Variants in APOBEC3B observed in about 807,000 individuals in gnomAD.
The protein encoded by APOBEC3B is apolipoprotein B mRNA editing enzyme catalytic subunit 3B, also known as DNA dC->dU-editing enzyme APOBEC-3B.
A neutral mutation model predicts 53.4 loss-of-function variants in APOBEC3B; 29 were observed. That is an observed-to-expected ratio of 0.54 (90% CI 0.40 to 0.74). The LOEUF (loss-of-function observed/expected upper bound fraction) is 0.74. APOBEC3B is among the 30% of genes least tolerant of loss of function. The pLI is 0.00. For missense variants in APOBEC3B, 347 were observed against 496.2 expected, an observed-to-expected ratio of 0.70 and a Z score of 2.86; for synonymous variants, 132 against 184.8, an observed-to-expected ratio of 0.71 and a Z score of 2.32.
Position 38,984,012 on chromosome 22 carries a change from A to G in APOBEC3B, c.18-63A>G. 2 of 1,535,696 alleles carry G rather than the reference A, an allele frequency of 1.3e-6. 1 individual carries two copies. Among genetic ancestry groups the G allele is most frequent in the Non-Finnish European group, 1.7e-6 (2 of 1,144,390 alleles). On this transcript the variant is annotated intron_variant, in intron 1 of 7. Transcript: ENST00000333467. ...ATCCTGGGAGCTGTGTTCAGTGGAC[A>G]TGAGCCCCGAGGACTCCCGGGAGGG...
Position 38,984,265 on chromosome 22 carries a change from T to C in APOBEC3B, c.174+34T>C, listed in dbSNP as rs750643825. The C allele has an allele frequency of 1.9e-5, 30 of 1,583,326 alleles. 1 individual carries two copies. Among genetic ancestry groups the C allele is most frequent in the Non-Finnish European group, 2.6e-5 (30 of 1,168,006 alleles). ...CAAACTTCAATCGAATCACAGGCAG[T>C]GTTGCAGGAATTAGAGGACTGGAGA... On this transcript the variant is annotated intron_variant, in intron 2 of 7. Coordinates refer to ENST00000333467, the MANE Select transcript of APOBEC3B (RefSeq NM_004900.5).
intron 2 of APOBEC3B, 118 bp from the exon 3 acceptor site, chr22:38,985,694 G>A (rs1923704188): frequency 1.2e-6 from 1 of 866,170 alleles, no homozygotes; most frequent in Non-Finnish European, 1.7e-6. Flanking sequence ...TGGAGGAAAG[G>A]AGCTTCAATG....
chr22:38,982,602 C>G, intron 1 of APOBEC3B, 132 bp downstream of exon 1: 1 of 1,107,236 alleles, frequency 9.0e-7, no homozygotes, highest in Non-Finnish European at 1.3e-6. Flanking sequence ...TCCCCTGCCA[C>G]ACGAATCCCA....
Position 38,988,651 on chromosome 22 carries a change from T to G in APOBEC3B, c.570-806T>G, listed in dbSNP as rs963576831. Among the ~76,000 whole-genome samples, 6 of 107,302 alleles carry G rather than the reference T, an allele frequency of 5.6e-5. 1 individual carries two copies. The highest frequency in any genetic ancestry group is 2.2e-4 in the African/African-American group (6 of 27,454). 70.4% of individuals were successfully genotyped at this position (107,302 alleles called of 152,430 possible). On this transcript the variant is annotated intron_variant, in intron 4 of 7. Coordinates refer to ENST00000333467, the MANE Select transcript of APOBEC3B (RefSeq NM_004900.5). Reference sequence around the variant, plus strand: ...TTCCTTCCTCCCTTCCTTCCTTCCTTCCTTCCTTGCTTCCTCTCTCTTTCT... The same window carrying G: ...TTCCTTCCTCCCTTCCTTCCTTCCTGCCTTCCTTGCTTCCTCTCTCTTTCT...
At chr22:38,982,565 C>A in intron 1 of APOBEC3B, 95 bp downstream of exon 1, 1 of 1,472,152 alleles carries the variant, frequency 6.8e-7, no homozygotes, top group East Asian at 2.6e-5. Context: ...CGCCCCTGCC[C>A]CAGCCCTGGG....
chr22:38,985,402 C>CA (rs2146288666), intron 2 of APOBEC3B, among the ~76,000 whole-genome samples: 1 of 148,302 alleles, frequency 6.7e-6, no homozygotes, highest in Non-Finnish European at 1.5e-5. Flanking sequence ...GGGGATGCTC[C>CA]AGACAGAGTG....
chr22:38,986,948 G>T lies in APOBEC3B; in HGVS notation c.569+536G>T, dbSNP rs531785864. On this transcript the variant is annotated intron_variant, in intron 4 of 7. Transcript: ENST00000333467. ...TGCTGGGTGGCTGGGGACGGGGGGG[G>T]TCCCTGGGATGATTCCTGAGGGCAG... 7.6e-5 allele frequency among the ~76,000 whole-genome samples: 11 copies of T among 145,358 alleles called. 3 individuals are homozygous for T. In the East Asian group the frequency reaches 2.6e-3, roughly 35 times the overall value.
chr22:38,985,871 C>T lies in APOBEC3B; in HGVS notation c.234C>T (p.Asn78=). ...EMCFLSWFCG[N]QLPAYKCFQI... ...GCTTCCTCTCTTGGTTCTGTGGCAACCAGCTGCCTGCTTACAAGTGTTTCC... is the reference window on the plus strand; with the variant it reads ...GCTTCCTCTCTTGGTTCTGTGGCAATCAGCTGCCTGCTTACAAGTGTTTCC... The change falls in exon 3 of 8, where the codon AAC becomes AAT. Residue 78 remains asparagine (N), a synonymous_variant. Transcript: ENST00000333467. 1 of 1,595,168 alleles carries T rather than the reference C, an allele frequency of 6.3e-7. No homozygotes were observed. The highest frequency in any genetic ancestry group is 8.5e-7 in the Non-Finnish European group (1 of 1,172,984).
intron 7 of APOBEC3B, 100 bp from the exon 8 acceptor site, chr22:38,992,331 T>C: frequency 6.5e-7 from 1 of 1,539,450 alleles, no homozygotes; most frequent in Non-Finnish European, 8.8e-7. Context: ...CCCGCATCCC[T>C]CCCTCCTCTC....
At chr22:38,984,738 G>C (rs2146288141) in intron 2 of APOBEC3B, among the ~76,000 whole-genome samples, 1 of 148,188 alleles carries the variant, frequency 6.7e-6, no homozygotes, top group South Asian at 2.2e-4. Context: ...GAGTGAGCTG[G>C]CTAGGCAGAG....
rs549684476 is a variant in APOBEC3B, at chr22:38,989,100, C to A, written c.570-357C>A. On this transcript the variant is annotated intron_variant, in intron 4 of 7. Transcript: ENST00000333467. ...CCAGCAGGTCCATCTCCAGCAGGGG[C>A]TGTGGGTGAGCAGAGCCAGGACAGG... Among the ~76,000 whole-genome samples, 56 of 148,328 alleles carry A rather than the reference C, an allele frequency of 3.8e-4. 1 individual carries two copies. The highest frequency in any genetic ancestry group is 1.3e-3 in the African/African-American group (52 of 40,916).
intron 1 of APOBEC3B, 92 bp downstream of exon 1, chr22:38,982,562 G>A (rs1312409846): frequency 7.0e-7 from 1 of 1,437,478 alleles, no homozygotes; most frequent in Middle Eastern, 2.3e-4. Context: ...CCCCGCCCCT[G>A]CCCCAGCCCT....
At chr22:38,988,681 T>TTCTCTCTTTCTCTTTC (rs58110435) in intron 4 of APOBEC3B, among the ~76,000 whole-genome samples, 1 of 63,600 alleles carries the variant, frequency 1.6e-5, no homozygotes, top group Non-Finnish European at 3.0e-5. Context: ...CTTTCTCTCT[T>TTCTCTCTTTCTCTTTC]TCTCTTTCTT....
Position 38,986,227 on chromosome 22 carries a change from A to G in APOBEC3B, c.455-71A>G, listed in dbSNP as rs1255927782. The G allele has an allele frequency of 1.7e-5, 27 of 1,587,384 alleles. 2 individuals are homozygous for G. Among genetic ancestry groups the G allele is most frequent in the Non-Finnish European group, 2.1e-5 (25 of 1,169,560 alleles). ...CTGGCACTGACTGCAACTGACAGCC[A>G]GGAGACCAGGCCTGGGAGGACAGGC... On this transcript the variant is annotated intron_variant, in intron 3 of 7. Transcript: ENST00000333467.
Position 38,987,467 on chromosome 22 carries a change from G to T in APOBEC3B, c.569+1055G>T, listed in dbSNP as rs753565711. ...GGGCTGGTGCTCCCTGCCCTGGGAG[G>T]GTGCTCCCTGTATATGCTTCCCACC... On this transcript the variant is annotated intron_variant, in intron 4 of 7. Transcript: ENST00000333467. Among the ~76,000 whole-genome samples, 2 of 148,638 alleles carry T rather than the reference G, an allele frequency of 1.3e-5. 1 individual carries two copies. Among genetic ancestry groups the T allele is most frequent in the Admixed American group, 1.4e-4 (2 of 14,518 alleles).
chr22:38,982,937 A>C (rs189878919), intron 1 of APOBEC3B, among the ~76,000 whole-genome samples: 1 of 148,910 alleles, frequency 6.7e-6, no homozygotes, highest in East Asian at 2.2e-4. Flanking sequence ...TCTGAAGCAC[A>C]TGATAAATCG....
rs752306308 is a variant in APOBEC3B, at chr22:38,982,445, A to C, written c.-9A>C. ...CGGGACAGGGACAAGCGTATCTAAG[A>C]GGCTGAACATGAATCCACAGATCAG... is the stretch of plus-strand genomic sequence containing the variant. On this transcript the variant is annotated 5_prime_UTR_variant, in exon 1 of 8. Coordinates refer to ENST00000333467, the MANE Select transcript of APOBEC3B (RefSeq NM_004900.5). The C allele has an allele frequency of 2.5e-6, 4 of 1,593,574 alleles. 1 individual carries two copies. In the East Asian group the frequency reaches 9.9e-5, roughly 39 times the overall value.
rs113279510 is a variant in APOBEC3B, at chr22:38,983,696, G to A, written c.18-379G>A. ...CATGATTTTAAAATAATGTTAACAC[G>A]CAGAGTGAAACATCAGGAAGGAATT... On this transcript the variant is annotated intron_variant, in intron 1 of 7. Transcript: ENST00000333467. Among the ~76,000 whole-genome samples the A allele has an allele frequency of 1.3e-4, 20 of 149,344 alleles. 2 individuals are homozygous for A. Among genetic ancestry groups the A allele is most frequent in the African/African-American group, 2.7e-4 (11 of 41,132 alleles).
At position 38,984,191 on chromosome 22, in the gene APOBEC3B, G is replaced by C. The variant is rs145424338; in HGVS notation, c.134G>C (p.Arg45Pro). 3 of 1,592,382 alleles carry C rather than the reference G, an allele frequency of 1.9e-6. 1 individual carries two copies. The highest frequency in any genetic ancestry group is 3.6e-5 in the Admixed American group (2 of 55,866). ...TATGAAGTGAAAATAAAGAGGGGCCGCTCAAATCTCCTTTGGGACACAGGG... is the reference window on the plus strand; with the variant it reads ...TATGAAGTGAAAATAAAGAGGGGCCCCTCAAATCTCCTTTGGGACACAGGG... Reference protein sequence around the residue: ...LCYEVKIKRGRSNLLWDTGVF... With the variant: ...LCYEVKIKRGPSNLLWDTGVF... The change falls in exon 2 of 8, where the codon CGC (arginine) becomes CCC (proline). Residue 45 changes from arginine to proline, a missense_variant. By Grantham distance (103) the Arg-to-Pro change is moderately radical. Transcript: ENST00000333467.
Sources: allele counts gnomAD v4.1 joint callset (sites outside exome capture counted in the v4.1 genomes callset), GRCh38; gene constraint gnomAD v4.1.1; transcripts MANE v1.5; gene names NCBI Gene and HGNC (gene_info 2026-07-23, HGNC 2026-07-21).